Variants in CDH12 observed in about 807,000 individuals in gnomAD.
CDH12 encodes the protein cadherin 12.
In CDH12, 41 loss-of-function variants were observed where a neutral mutation model predicts 74.1. The ratio of observed to expected loss-of-function variants is 0.55; its 90% confidence interval spans 0.43 to 0.72. The LOEUF is 0.72. Among genes scored for constraint, CDH12 ranks in the 30% least tolerant of loss-of-function variants. The probability of loss-of-function intolerance (pLI) is 0.00; values close to 1 mark genes in which losing one functional copy is unlikely to be tolerated. For synonymous variants in CDH12, 399 were observed against 355.0 expected (o/e 1.12, Z -1.39); for missense variants, 945 against 977.2 (o/e 0.97, Z 0.44).
chr5:22,817,646 CT>C (rs1327442730), intron 1 of CDH12, among the ~76,000 whole-genome samples: 4 of 152,048 alleles, frequency 2.6e-5, no homozygotes, highest in African/African-American at 9.7e-5. Context: ...CCAATCTTGA[CT>C]TTTAAATTTG....
chr5:22,405,560 A>G (rs77750816), intron 2 of CDH12, among the ~76,000 whole-genome samples: 2 of 152,300 alleles, frequency 1.3e-5, no homozygotes, highest in East Asian at 3.9e-4. Context: ...AAAATAAAAA[A>G]GCCCACATCC....
intron 5 of CDH12, among the ~76,000 whole-genome samples, chr5:22,013,483 C>T (rs186433930): frequency 2.0e-4 from 30 of 152,092 alleles, no homozygotes; most frequent in African/African-American, 7.0e-4. Flanking sequence ...TTCTTAAATG[C>T]AAAAATTGTA....
chr5:22,343,233 T>A (rs1365816734), intron 3 of CDH12, among the ~76,000 whole-genome samples: 1 of 150,844 alleles, frequency 6.6e-6, no homozygotes, highest in Non-Finnish European at 1.5e-5. Context: ...CCATCAGAAT[T>A]TTTTAAGTTT....
intron 1 of CDH12, among the ~76,000 whole-genome samples, chr5:22,687,657 C>T (rs1157517454): frequency 6.6e-6 from 1 of 152,122 alleles, no homozygotes; most frequent in African/African-American, 2.4e-5. Flanking sequence ...TCAAGTGACC[C>T]ACCTGCCTCA....
chr5:22,823,125 T>G (rs1436094928), intron 1 of CDH12, among the ~76,000 whole-genome samples: 1 of 150,538 alleles, frequency 6.6e-6, no homozygotes, highest in African/African-American at 2.4e-5. Flanking sequence ...CAGCAAACTA[T>G]CGCAAGGACA....
chr5:21,885,630 G>A (rs1435306764), intron 6 of CDH12, among the ~76,000 whole-genome samples: 2 of 152,120 alleles, frequency 1.3e-5, no homozygotes. Context: ...ATATGAGTTT[G>A]CCAAAAAATA....
chr5:21,771,798 C>G (rs1292503614), intron 11 of CDH12, among the ~76,000 whole-genome samples: 2 of 152,142 alleles, frequency 1.3e-5, no homozygotes, highest in Admixed American at 6.6e-5. Flanking sequence ...AATAGCATTG[C>G]AGGCCCATTT....
At chr5:22,530,460 C>T (rs1262179640) in intron 1 of CDH12, among the ~76,000 whole-genome samples, 1 of 151,976 alleles carries the variant, frequency 6.6e-6, no homozygotes, top group Admixed American at 6.6e-5. Context: ...TAGAAGTATC[C>T]TTTCTTTGAA....
intron 2 of CDH12, among the ~76,000 whole-genome samples, chr5:22,452,666 G>C (rs758382847): frequency 1.3e-5 from 2 of 151,630 alleles, no homozygotes; most frequent in Middle Eastern, 3.4e-3. Context: ...ACTGGGTAAG[G>C]GTTTTTTTAG....
At chr5:22,419,309 T>C (rs1053517961) in intron 2 of CDH12, among the ~76,000 whole-genome samples, 2 of 152,082 alleles carry the variant, frequency 1.3e-5, no homozygotes, top group Admixed American at 1.3e-4. Context: ...TCCCTTCCCC[T>C]GCACCCCCTG....
intron 1 of CDH12, among the ~76,000 whole-genome samples, chr5:22,603,238 T>C (rs185420981): frequency 2.0e-5 from 3 of 152,094 alleles, no homozygotes; most frequent in South Asian, 2.1e-4. Flanking sequence ...ACAGCAACTA[T>C]TGAAAAAAAA....
intron 4 of CDH12, among the ~76,000 whole-genome samples, chr5:22,157,485 A>G (rs1287979733): frequency 1.3e-5 from 2 of 151,932 alleles, no homozygotes; most frequent in Admixed American, 1.3e-4. Context: ...TAAGTGTTCC[A>G]TCAAAGTCAT....
intron 2 of CDH12, among the ~76,000 whole-genome samples, chr5:22,450,205 T>C (rs1744988632): frequency 6.6e-6 from 1 of 151,972 alleles, no homozygotes; most frequent in South Asian, 2.1e-4. Context: ...TGCATTATGT[T>C]TTAGCCCTTC....
chr5:21,971,756 A>C (rs561310527), intron 6 of CDH12, among the ~76,000 whole-genome samples: 106 of 152,240 alleles, frequency 7.0e-4, no homozygotes, highest in Non-Finnish European at 9.9e-4. Context: ...CACATTCATA[A>C]AGTCCAAACT....
chr5:22,117,532 A>AT (rs1303910423), intron 4 of CDH12, among the ~76,000 whole-genome samples: 3 of 110,350 alleles, frequency 2.7e-5, no homozygotes, highest in South Asian at 2.5e-4. Context: ...TAATATATAT[A>AT]TATATATATA....
chr5:22,730,070 C>T (rs1314286049), intron 1 of CDH12, among the ~76,000 whole-genome samples: 1 of 151,738 alleles, frequency 6.6e-6, no homozygotes, highest in African/African-American at 2.4e-5. Flanking sequence ...AAGCTATTTA[C>T]CTGTGTTTTT....
intron 1 of CDH12, among the ~76,000 whole-genome samples, chr5:22,828,472 G>A (rs1198383761): frequency 6.6e-6 from 1 of 152,104 alleles, no homozygotes; most frequent in African/African-American, 2.4e-5. Context: ...CAAGTTAAAG[G>A]TTATATACAT....
intron 4 of CDH12, among the ~76,000 whole-genome samples, chr5:22,123,789 A>C (rs1745663740): frequency 6.6e-6 from 1 of 152,158 alleles, no homozygotes; most frequent in South Asian, 2.1e-4. Flanking sequence ...ATGAGAACAT[A>C]AATATTGAAA....
chr5:21,897,691 A>G (rs545724088), intron 6 of CDH12, among the ~76,000 whole-genome samples: 1 of 152,342 alleles, frequency 6.6e-6, no homozygotes, highest in African/African-American at 2.4e-5. Context: ...AGATTTCATA[A>G]ATATTCCTCA....
Sources: allele counts gnomAD v4.1 joint callset (sites outside exome capture counted in the v4.1 genomes callset), GRCh38; gene constraint gnomAD v4.1.1; transcripts MANE v1.5; gene names NCBI Gene and HGNC (gene_info 2026-07-23, HGNC 2026-07-21).